The following B4GALT3 variants were observed in gnomAD, a reference collection of about 807,000 sequenced individuals.
B4GALT3 encodes beta-1,4-galactosyltransferase 3.
Under a neutral mutation model 40.7 loss-of-function variants are expected in B4GALT3, and 29 were observed. That is an observed-to-expected ratio of 0.71 (90% CI 0.53 to 0.97). B4GALT3 has a LOEUF of 0.97. B4GALT3 is among the 50% of genes least tolerant of loss of function. B4GALT3 has a pLI of 0.00. For missense variants in B4GALT3, 390 were observed against 522.3 expected (o/e 0.75, Z 2.47); for synonymous variants, 182 against 203.9 (o/e 0.89, Z 0.92).
rs1403739799 is a variant in B4GALT3 at position 161,171,621 on chromosome 1, A to T, written c.*195T>A. On this transcript the variant is annotated 3_prime_UTR_variant, in exon 8 of 8. Transcript: ENST00000319769. ...TTCACAGTCATAAGCCCTACAGGAGACCCTAGAGAGAGGGACCCCTCAGGT... is the reference window on the plus strand; with the variant it reads ...TTCACAGTCATAAGCCCTACAGGAGTCCCTAGAGAGAGGGACCCCTCAGGT... 1.5e-6 allele frequency: 1 copy of T among 687,572 alleles called. No individual in the cohort carries two copies. The highest frequency in any genetic ancestry group is 2.9e-5 in the Admixed American group (1 of 34,116). 42.6% of individuals were successfully genotyped at this position (687,572 alleles called of 1,614,324 possible). A position where few individuals can be genotyped will look rare whatever the true frequency, so the allele number is the denominator to read the frequency against.
chr1:161,174,843 G>A, intron 4 of B4GALT3, 150 bp downstream of exon 4: 1 of 755,990 alleles, frequency 1.3e-6, no homozygotes, highest in Non-Finnish European at 2.2e-6. Context: ...TAACAAAGTT[G>A]GAAGAGCAGT....
intron 6 of B4GALT3, 105 bp from the exon 7 acceptor site, chr1:161,172,436 A>C (rs1661795696): frequency 1.1e-6 from 1 of 934,050 alleles, no homozygotes; most frequent in African/African-American, 1.7e-5. Flanking sequence ...CTTAGTAGGC[A>C]AAAGAAAAAA....
chr1:161,177,556 C>T (rs1170763687), upstream of B4GALT3: 2 of 167,220 alleles, frequency 1.2e-5, no homozygotes, highest in Non-Finnish European at 2.6e-5. Context: ...GCCACCCGGG[C>T]TGACTAGGCA....
At chr1:161,177,096 G>A (rs1663854246) in intron 1 of B4GALT3, 6 of 1,529,138 alleles carry the variant, frequency 3.9e-6, no homozygotes, top group African/African-American at 1.4e-5. Context: ...GGGTGGGGAG[G>A]AGGGTTACTG....
At chr1:161,173,828 C>T in intron 5 of B4GALT3, 31 bp downstream of exon 5, 1 of 1,610,186 alleles carries the variant, frequency 6.2e-7, no homozygotes, top group Middle Eastern at 1.7e-4. Flanking sequence ...GTAGGCTTCC[C>T]TGTTTCCCAG....
intron 6 of B4GALT3, among the ~76,000 whole-genome samples, chr1:161,173,222 G>A (rs962671741): frequency 5.3e-5 from 8 of 152,158 alleles, no homozygotes; most frequent in African/African-American, 1.9e-4. Flanking sequence ...AATGGCACAG[G>A]CCTTTTACAA....
At position 161,173,592 on chromosome 1, in the gene B4GALT3, CA is replaced by C; in HGVS notation, c.803+12del. ...ACTGGGGTCAGGAGGGAGGAAGTGGCAGGAAGTCTGACCTGGTAGCAATGTC... is the reference window on the plus strand; with the variant it reads ...ACTGGGGTCAGGAGGGAGGAAGTGGCGGAAGTCTGACCTGGTAGCAATGTC... On this transcript the variant is annotated intron_variant, in intron 6 of 7. Coordinates refer to ENST00000319769, the MANE Select transcript of B4GALT3 (RefSeq NM_003779.4). The C allele has an allele frequency of 2.5e-6, 4 of 1,613,440 alleles. No individual in the cohort carries two copies. The highest frequency in any genetic ancestry group is 3.4e-6 in the Non-Finnish European group (4 of 1,179,976).
intron 2 of B4GALT3, 32 bp from the exon 3 acceptor site, chr1:161,176,106 GCAGGAAGAGAGCAAGC>G: frequency 6.2e-7 from 1 of 1,608,334 alleles, no homozygotes; most frequent in African/African-American, 1.3e-5. Flanking sequence ...CTGGGGGTAG[GCAGGAAGAGAGCAAGC>G]CAGCAGAGAG....
At chr1:161,176,298 C>T (rs555533095) in intron 2 of B4GALT3, 136 bp downstream of exon 2, 2 of 585,872 alleles carry the variant, frequency 3.4e-6, no homozygotes, top group East Asian at 2.9e-5. Context: ...TCCTCTACCT[C>T]CCCCCAAACC....
At position 161,172,209 on chromosome 1, in the gene B4GALT3, G is replaced by A; in HGVS notation, c.908+18C>T. The A allele has an allele frequency of 1.2e-6, 2 of 1,613,408 alleles. No homozygotes were observed. The highest frequency in any genetic ancestry group is 1.7e-6 in the Non-Finnish European group (2 of 1,179,400). On this transcript the variant is annotated intron_variant, in intron 7 of 7. Coordinates refer to ENST00000319769, the MANE Select transcript of B4GALT3 (RefSeq NM_003779.4). ...AGGATCCAGTAACAATTCCCAGGCA[G>A]TCCTTCCTTCTTCCTACCTGTGGGG... is the stretch of plus-strand genomic sequence containing the variant.
intron 6 of B4GALT3, 144 bp downstream of exon 6, chr1:161,173,461 C>T (rs1319074841): frequency 8.1e-7 from 1 of 1,239,050 alleles, no homozygotes; most frequent in East Asian, 2.3e-5. Context: ...ACCTGGGTAT[C>T]CTAAAAAGAC....
intron 2 of B4GALT3, 160 bp from the exon 3 acceptor site, chr1:161,176,234 A>G (rs1663464510): frequency 2.5e-6 from 2 of 806,246 alleles, no homozygotes; most frequent in South Asian, 1.8e-5. Context: ...GCAAGGAAAC[A>G]GAATGTAACC....
In B4GALT3 at chr1:161,171,859, G is replaced by C; in HGVS notation, c.1139C>G (p.Pro380Arg). ...LQRRPPARPG[P>R]LSTANHTALR... is the part of the protein sequence containing the mutation. ...GGCTGTGTGGTTGGCAGTAGATAGA[G>C]GCCCAGGCCTGGCTGGGGGCCGGCG... Residue 380 changes from proline to arginine, a missense_variant, in exon 8 of 8, where the codon CCT becomes CGT. Physicochemically the swap from Pro to Arg is moderately radical, Grantham distance 103. Transcript: ENST00000319769. 4.3e-6 allele frequency: 7 copies of C among 1,614,180 alleles called. No homozygotes were observed. Among genetic ancestry groups the C allele is most frequent in the Non-Finnish European group, 5.9e-6 (7 of 1,180,030 alleles).
chr1:161,177,595 G>A (rs111597473), upstream of B4GALT3: 2,433 of 158,964 alleles, frequency 0.015, 61 homozygotes, highest in African/African-American at 0.054. Context: ...GTGGCCGGGG[G>A]CTTGTGAGGG....
intron 3 of B4GALT3, 142 bp from the exon 4 acceptor site, chr1:161,175,370 G>T: frequency 2.7e-6 from 2 of 744,572 alleles, no homozygotes; most frequent in Non-Finnish European, 4.4e-6. Flanking sequence ...CGCATGCCTT[G>T]GATTACCTAT....
At position 161,173,989 on chromosome 1, in the gene B4GALT3, G is replaced by A. The variant is rs1395526298; in HGVS notation, c.550C>T (p.Arg184Cys). 1.9e-6 allele frequency: 3 copies of A among 1,613,898 alleles called. No homozygotes were observed. The highest frequency in any genetic ancestry group is 2.7e-5 in the African/African-American group (2 of 74,898). The change falls in exon 5 of 8, where the codon CGT becomes TGT. Residue 184 changes from arginine to cysteine, a missense_variant. By Grantham distance (180) the Arg-to-Cys change is radical. Transcript: ENST00000319769. ...AACAGGCAGTCCCACTCTTCATCACGCAGGGCCTCTCGCACCCCAACGTTC... is the reference window on the plus strand; with the variant it reads ...AACAGGCAGTCCCACTCTTCATCACACAGGGCCTCTCGCACCCCAACGTTC... ...LLNVGVREAL[R>C]DEEWDCLFLH...
intron 4 of B4GALT3, among the ~76,000 whole-genome samples, chr1:161,174,588 G>A (rs1414757044): frequency 6.6e-6 from 1 of 152,130 alleles, no homozygotes; most frequent in Admixed American, 6.6e-5. Context: ...ATTTAATCCT[G>A]ACAATTGGCA....
intron 4 of B4GALT3, among the ~76,000 whole-genome samples, 168 bp from the exon 5 acceptor site, chr1:161,174,217 C>T (rs1438873800): frequency 6.6e-6 from 1 of 152,078 alleles, no homozygotes; most frequent in Non-Finnish European, 1.5e-5. Flanking sequence ...ACCACCCTGG[C>T]TAACACGGTA....
intron 6 of B4GALT3, among the ~76,000 whole-genome samples, chr1:161,172,990 G>A (rs900705254): frequency 3.3e-5 from 5 of 152,104 alleles, no homozygotes; most frequent in African/African-American, 1.2e-4. Flanking sequence ...GCCTGGGAAG[G>A]AACTAGAAGA....
Sources: allele counts gnomAD v4.1 joint callset (sites outside exome capture counted in the v4.1 genomes callset), GRCh38; gene constraint gnomAD v4.1.1; transcripts MANE v1.5; gene names NCBI Gene and HGNC (gene_info 2026-07-23, HGNC 2026-07-21).